CRACDL: variants seen among roughly 807,000 people sequenced by gnomAD.
The protein encoded by CRACDL is CRACD like.
CRACDL carries 26 observed loss-of-function variants against 70.6 expected under a neutral mutation model. The observed-to-expected ratio is 0.37, with a 90% CI of 0.27 to 0.51. The LOEUF (loss-of-function observed/expected upper bound fraction) is 0.51. Among genes scored for constraint, CRACDL ranks in the 20% least tolerant of loss-of-function variants. The probability of loss-of-function intolerance (pLI) is 0.94; values close to 1 mark genes in which losing one functional copy is unlikely to be tolerated. For missense variants in CRACDL, 1,283 were observed against 1,376.9 expected (o/e 0.93, Z 1.08); for synonymous variants, 618 against 615.2 (o/e 1.00, Z -0.07).
intron 7 of CRACDL, among the ~76,000 whole-genome samples, chr2:98,810,000 T>C (rs1704487941): frequency 6.6e-6 from 1 of 152,070 alleles, no homozygotes; most frequent in Non-Finnish European, 1.5e-5. Flanking sequence ...ACCCCACAGA[T>C]CCACACTCTT....
At chr2:98,795,077 A>ATATATATATTTT in intron 9 of CRACDL, among the ~76,000 whole-genome samples, 4 of 58,506 alleles carry the variant, frequency 6.8e-5, no homozygotes, top group African/African-American at 2.0e-4. Context: ...ATATATATAT[A>ATATATATATTTT]TTTTTTTTTT....
intron 1 of CRACDL, among the ~76,000 whole-genome samples, chr2:98,920,061 C>T (rs568933580): frequency 8.5e-5 from 13 of 152,242 alleles, no homozygotes; most frequent in East Asian, 3.9e-4. Context: ...GCCTACAATA[C>T]GTTTTTTAAT....
chr2:98,811,748 C>T (rs1029243619), intron 7 of CRACDL, among the ~76,000 whole-genome samples: 1 of 152,038 alleles, frequency 6.6e-6, no homozygotes, highest in Non-Finnish European at 1.5e-5. Context: ...GTTCTCTGTC[C>T]ATATATTTTT....
intron 1 of CRACDL, among the ~76,000 whole-genome samples, chr2:98,929,663 C>T (rs192620226): frequency 1.8e-4 from 28 of 152,252 alleles, no homozygotes; most frequent in Admixed American, 9.8e-4. Context: ...ATGATGGCTT[C>T]ACAAAACTAT....
At position 98,796,224 on chromosome 2, in the gene CRACDL, A is replaced by G. The variant is rs1407864166; in HGVS notation, c.2645T>C (p.Phe882Ser). The stretch of plus-strand genomic sequence containing the variant: ...AGCGGGCTTCACAGGGGTTATCAGG[A>G]AAGACTTGCTGCGAACAAAGTCAGC... ...KQADFVRSKS[F>S]LITPVKPAVD... Residue 882 changes from phenylalanine (F) to serine (S), a missense_variant, in exon 9 of 10, where the codon TTC becomes TCC. By Grantham distance (155) the Phe-to-Ser change is radical. Around this residue, in one of 2 missense-constraint regions of CRACDL, gnomAD observed 921 missense variants for 881.9 expected, o/e 1.04. Coordinates refer to ENST00000397899, the MANE Select transcript of CRACDL (RefSeq NM_207362.3). 1 of 1,614,216 alleles carries G rather than the reference A, an allele frequency of 6.2e-7. No homozygotes were observed. Among genetic ancestry groups the G allele is most frequent in the Non-Finnish European group, 8.5e-7 (1 of 1,180,016 alleles).
chr2:98,797,465 G>C lies in CRACDL; in HGVS notation c.2489C>G (p.Thr830Ser). 1 of 1,614,250 alleles carries C rather than the reference G, an allele frequency of 6.2e-7. No individual in the cohort carries two copies. Among genetic ancestry groups the C allele is most frequent in the Non-Finnish European group, 8.5e-7 (1 of 1,180,048 alleles). The change falls in exon 8 of 10, where the codon ACT becomes AGT. Residue 830 changes from threonine to serine, a missense_variant. Physicochemically the swap from Thr to Ser is moderately conservative, Grantham distance 58. Transcript: ENST00000397899. ...GQPAPPWITV[T>S]RQKRRGTLDQ... ...CAAGGTCCCCCTCCGCTTCTGCCGA[G>C]TGACGGTGATCCAGGGTGGCGCAGG... is the stretch of plus-strand genomic sequence containing the variant.
chr2:98,836,784 T>TA (rs890953301), intron 3 of CRACDL, among the ~76,000 whole-genome samples: 9 of 151,930 alleles, frequency 5.9e-5, no homozygotes, highest in East Asian at 1.9e-4. Context: ...GAGAACCGCC[T>TA]AAAAAAAATG....
chr2:98,908,200 G>C (rs889435229), intron 1 of CRACDL, among the ~76,000 whole-genome samples: 5 of 152,242 alleles, frequency 3.3e-5, no homozygotes, highest in African/African-American at 1.2e-4. Context: ...CGGACTGGCT[G>C]TCTCAACTGG....
chr2:98,853,017 G>A (rs1324235558), intron 1 of CRACDL, among the ~76,000 whole-genome samples: 1 of 122,792 alleles, frequency 8.1e-6, no homozygotes. Context: ...GGAGGGGAGG[G>A]GAAGGGAAGG....
At chr2:98,917,775 C>G (rs1469788355) in intron 1 of CRACDL, among the ~76,000 whole-genome samples, 2 of 152,196 alleles carry the variant, frequency 1.3e-5, no homozygotes, top group Admixed American at 1.3e-4. Context: ...TTGCTCATCT[C>G]TCACCCATTA....
chr2:98,912,829 G>C (rs1160837421), intron 1 of CRACDL: 1 of 152,296 alleles, frequency 6.6e-6, no homozygotes, highest in African/African-American at 2.4e-5. Flanking sequence ...CCAGGGGTCC[G>C]TCCTTGGGCC....
At chr2:98,872,770 C>T (rs114503670) in intron 1 of CRACDL, among the ~76,000 whole-genome samples, 2,702 of 152,158 alleles carry the variant, frequency 0.018, 88 homozygotes, top group African/African-American at 0.061. Context: ...ATGAGTATGA[C>T]GTGTACAAAA....
chr2:98,880,787 C>T lies in CRACDL; in HGVS notation c.-10-33977G>A, dbSNP rs963492049. On this transcript the variant is annotated intron_variant, in intron 1 of 9. Coordinates refer to ENST00000397899, the MANE Select transcript of CRACDL (RefSeq NM_207362.3). ...ATGGGTCCCGAGGGAAGGCAGGTGT[C>T]GGGAGAGCCCCCAGCCGGGGGGCTT... Among the ~76,000 whole-genome samples, 14 of 152,276 alleles carry T rather than the reference C, an allele frequency of 9.2e-5. No individual in the cohort carries two copies. The South Asian group carries it at 1.0e-3, about 11-fold the overall frequency.
intron 2 of CRACDL, among the ~76,000 whole-genome samples, chr2:98,842,375 A>G (rs904840015): frequency 6.6e-6 from 1 of 151,902 alleles, no homozygotes; most frequent in African/African-American, 2.4e-5. Flanking sequence ...CTTATTTAAA[A>G]TAAAATTTTA....
intron 1 of CRACDL, among the ~76,000 whole-genome samples, chr2:98,920,894 A>G (rs1708787064): frequency 6.6e-6 from 1 of 152,174 alleles, no homozygotes; most frequent in Non-Finnish European, 1.5e-5. Context: ...GTGTTGACAA[A>G]CTGGATCAAA....
intron 1 of CRACDL, among the ~76,000 whole-genome samples, chr2:98,870,628 A>C (rs929490224): frequency 6.6e-6 from 1 of 152,134 alleles, no homozygotes; most frequent in Admixed American, 6.5e-5. Flanking sequence ...ACTGGGCCCC[A>C]GGGCTGAGGT....
intron 7 of CRACDL, among the ~76,000 whole-genome samples, chr2:98,811,438 A>G (rs1704553822): frequency 1.4e-5 from 2 of 139,492 alleles, no homozygotes; most frequent in Admixed American, 1.6e-4. Flanking sequence ...TGAATCTGGG[A>G]GGCGGAGGCT....
chr2:98,821,764 A>G (rs1459876875), intron 7 of CRACDL, 93 bp downstream of exon 7: 3 of 1,443,308 alleles, frequency 2.1e-6, no homozygotes, highest in Non-Finnish European at 2.8e-6. Context: ...CAAAGTTTGT[A>G]CCAGGAGCAT....
chr2:98,889,551 A>G (rs573318133), intron 1 of CRACDL, among the ~76,000 whole-genome samples: 2 of 152,214 alleles, frequency 1.3e-5, no homozygotes, highest in Non-Finnish European at 2.9e-5. Context: ...CTGAAGGAAG[A>G]CAGCAGTAAT....
Sources: gnomAD v4.1 joint callset for allele counts (sites outside exome capture counted in the v4.1 genomes callset) on GRCh38, gnomAD v4.1.1 for gene constraint, gnomAD v4.1.1 regional missense constraint, MANE v1.5 for transcripts, NCBI Gene and HGNC (gene_info 2026-07-23, HGNC 2026-07-21) for gene names.